The following CSMD2 variants were observed in gnomAD, a reference collection of about 807,000 sequenced individuals.
The protein encoded by CSMD2 is CUB and Sushi multiple domains 2.
Under a neutral mutation model 398.5 loss-of-function variants are expected in CSMD2, and 130 were observed. The ratio of observed to expected loss-of-function variants is 0.33; its 90% CI spans 0.28 to 0.38. The LOEUF (loss-of-function observed/expected upper bound fraction) is 0.38. Among genes scored for constraint, CSMD2 ranks in the 10% least tolerant of loss-of-function variants. CSMD2 has a pLI of 1.00. For missense variants in CSMD2, 3,829 were observed against 4,764.9 expected, an observed-to-expected ratio of 0.80 and a Z score of 5.78; for synonymous variants, 1,828 against 1,908.5, an observed-to-expected ratio of 0.96 and a Z score of 1.10.
chr1:34,142,524 T>C (rs565230577), intron 1 of CSMD2, among the ~76,000 whole-genome samples: 22 of 152,142 alleles, frequency 1.4e-4, no homozygotes, highest in Non-Finnish European at 2.5e-4. Flanking sequence ...GTCTCCTTTA[T>C]AGAGATGAGA....
At chr1:33,730,161 G>C (rs1325892069) in intron 15 of CSMD2, among the ~76,000 whole-genome samples, 1 of 152,214 alleles carries the variant, frequency 6.6e-6, no homozygotes, top group Non-Finnish European at 1.5e-5. Context: ...TAATATCATG[G>C]AGTGGTTCCC....
intron 14 of CSMD2, among the ~76,000 whole-genome samples, chr1:33,741,969 G>A (rs1470345262): frequency 6.6e-6 from 1 of 152,186 alleles, no homozygotes; most frequent in East Asian, 1.9e-4. Flanking sequence ...GTAAACATTT[G>A]CTGATCCTTA....
At chr1:34,124,911 TCA>T (rs1662579908) in intron 1 of CSMD2, among the ~76,000 whole-genome samples, 1 of 152,160 alleles carries the variant, frequency 6.6e-6, no homozygotes, top group South Asian at 2.1e-4. Context: ...CCAGAAAATC[TCA>T]GTTTCCATCA....
At position 33,559,164 on chromosome 1, in the gene CSMD2, G is replaced by T; in HGVS notation, c.8554+136C>A. 1.3e-6 allele frequency: 1 copy of T among 753,686 alleles called. No homozygotes were observed. The highest frequency in any genetic ancestry group is 2.0e-6 in the Non-Finnish European group (1 of 489,118). 46.7% of individuals were successfully genotyped at this position (753,686 alleles called of 1,614,324 possible). A position where few individuals can be genotyped will look rare whatever the true frequency, so the allele number is the denominator to read the frequency against. On this transcript the variant is annotated intron_variant, in intron 54 of 70. Coordinates refer to ENST00000373381, the MANE Select transcript of CSMD2 (RefSeq NM_001281956.2). The surrounding 1 kb of genome is among the most constrained non-coding windows in gnomAD (Gnocchi z 4.0). ...AAGGGTTGAGAAAGTCCTCATTTATGACCCTTCTCTGCTCCATCTTCCCTA... is the reference window on the plus strand; with the variant it reads ...AAGGGTTGAGAAAGTCCTCATTTATTACCCTTCTCTGCTCCATCTTCCCTA...
At chr1:33,574,200 C>T (rs1318693485) in intron 49 of CSMD2, among the ~76,000 whole-genome samples, 1 of 151,824 alleles carries the variant, frequency 6.6e-6, no homozygotes, top group Non-Finnish European at 1.5e-5. Flanking sequence ...CAGGAAAGGA[C>T]AATATATGAG....
chr1:33,702,999 A>G (rs75229627), intron 22 of CSMD2, among the ~76,000 whole-genome samples: 1 of 152,286 alleles, frequency 6.6e-6, no homozygotes, highest in East Asian at 1.9e-4. Flanking sequence ...ACATATAATT[A>G]TATACATTTG....
Position 33,623,369 on chromosome 1 carries a change from C to T in CSMD2, c.5722+1G>A. On this transcript the variant is annotated splice_donor_variant, in intron 36 of 70. Transcript: ENST00000373381. LOFTEE classifies it high-confidence loss of function. ...TTGAAGCCCCTGGAAACCCAGCTTA[C>T]CTGAGAAACTCCCCAGCATGGTTAC... is the stretch of plus-strand genomic sequence containing the variant. 6.2e-7 allele frequency: 1 copy of T among 1,613,456 alleles called. No individual in the cohort carries two copies. Among genetic ancestry groups the T allele is most frequent in the Non-Finnish European group, 8.5e-7 (1 of 1,179,398 alleles).
intron 3 of CSMD2, among the ~76,000 whole-genome samples, chr1:33,969,255 T>C (rs547048436): frequency 6.6e-6 from 1 of 152,330 alleles, no homozygotes; most frequent in African/African-American, 2.4e-5. Context: ...CAATGTAAAA[T>C]ATTGCATTTT....
At chr1:34,115,839 G>A in intron 1 of CSMD2, among the ~76,000 whole-genome samples, 1 of 151,986 alleles carries the variant, frequency 6.6e-6, no homozygotes, top group East Asian at 1.9e-4. Context: ...AGGTGTAATA[G>A]CGTGAAGTTT....
intron 6 of CSMD2, chr1:33,839,094 G>T (rs1052591906): frequency 1.3e-5 from 2 of 152,244 alleles, no homozygotes; most frequent in Admixed American, 6.5e-5. Context: ...TGTTGGAAGG[G>T]TGTCATCACA....
At chr1:33,696,622 C>T (rs761826294) in intron 24 of CSMD2, among the ~76,000 whole-genome samples, 4 of 152,106 alleles carry the variant, frequency 2.6e-5, no homozygotes, top group Non-Finnish European at 4.4e-5. Flanking sequence ...GTTAGAGCTT[C>T]CTTCCATATT....
chr1:34,157,357 C>G (rs768155009), intron 1 of CSMD2, among the ~76,000 whole-genome samples: 2 of 152,106 alleles, frequency 1.3e-5, no homozygotes, highest in Non-Finnish European at 2.9e-5. Flanking sequence ...CCCATTTCCT[C>G]ATGTCCACTC....
intron 1 of CSMD2, among the ~76,000 whole-genome samples, chr1:34,112,552 C>T (rs1359687140): frequency 1.3e-5 from 2 of 152,204 alleles, no homozygotes; most frequent in Non-Finnish European, 2.9e-5. Flanking sequence ...CAATACTAGC[C>T]TTCTTCTCCT....
intron 62 of CSMD2, among the ~76,000 whole-genome samples, chr1:33,534,443 T>C (rs1052859984): frequency 6.6e-6 from 1 of 152,176 alleles, no homozygotes; most frequent in Non-Finnish European, 1.5e-5. Context: ...ATGGCCCCCA[T>C]AGAATCTGTT....
chr1:33,569,961 T>A (rs1690551), intron 51 of CSMD2, among the ~76,000 whole-genome samples: 1 of 151,948 alleles, frequency 6.6e-6, no homozygotes. Flanking sequence ...CCTCACACTC[T>A]TTGTCAACAG....
intron 15 of CSMD2, among the ~76,000 whole-genome samples, chr1:33,729,980 A>C (rs74069155): frequency 0.011 from 1,681 of 152,346 alleles, 40 homozygotes; most frequent in African/African-American, 0.037. Flanking sequence ...ACTGGCAAAA[A>C]TATGAAATGA....
intron 25 of CSMD2, among the ~76,000 whole-genome samples, chr1:33,665,825 A>G (rs1262412513): frequency 6.6e-6 from 1 of 152,054 alleles, no homozygotes; most frequent in Admixed American, 6.6e-5. Context: ...CACTTTGCCT[A>G]CCAAAACATC....
chr1:34,110,862 AC>A (rs1181922977), intron 1 of CSMD2, among the ~76,000 whole-genome samples: 2 of 152,210 alleles, frequency 1.3e-5, no homozygotes, highest in Non-Finnish European at 2.9e-5. Flanking sequence ...TGACTATATA[AC>A]AAACTTGCAC....
intron 19 of CSMD2, among the ~76,000 whole-genome samples, chr1:33,722,725 G>A (rs1337391328): frequency 6.6e-6 from 1 of 151,124 alleles, no homozygotes; most frequent in Non-Finnish European, 1.5e-5. Flanking sequence ...AATTTTTATG[G>A]AACTTTTTTT....
Sources: gnomAD v4.1 joint callset for allele counts (sites outside exome capture counted in the v4.1 genomes callset) on GRCh38, gnomAD v4.1.1 for gene constraint, Gnocchi (gnomAD v3.1) non-coding constraint, MANE v1.5 for transcripts, NCBI Gene and HGNC (gene_info 2026-07-23, HGNC 2026-07-21) for gene names.